CSMD2: variants seen among roughly 807,000 people sequenced by gnomAD.
CSMD2 encodes CUB and sushi domain-containing protein 2.
Under a neutral mutation model 398.5 loss-of-function variants are expected in CSMD2, and 130 were observed. That is an observed-to-expected ratio of 0.33 (90% CI 0.28 to 0.38). The LOEUF is 0.38. Ranked by LOEUF, CSMD2 falls within the 10% of genes least tolerant of loss-of-function variation. The pLI, the probability that CSMD2 is intolerant of heterozygous loss-of-function variation, is 1.00. For missense variants in CSMD2, 3,829 were observed against 4,764.9 expected, an observed-to-expected ratio of 0.80 and a Z score of 5.78; for synonymous variants, 1,828 against 1,908.5, an observed-to-expected ratio of 0.96 and a Z score of 1.10.
chr1:33,985,055 T>C (rs561815040), intron 3 of CSMD2, among the ~76,000 whole-genome samples: 26 of 152,256 alleles, frequency 1.7e-4, no homozygotes, highest in African/African-American at 5.5e-4. Context: ...ACGGTTCCCA[T>C]TGCTATCGTA....
At chr1:33,829,949 C>G (rs963961825) in intron 6 of CSMD2, among the ~76,000 whole-genome samples, 1 of 151,874 alleles carries the variant, frequency 6.6e-6, no homozygotes, top group African/African-American at 2.4e-5. Flanking sequence ...AGCAGCAAGG[C>G]GGGGGGAGGG....
chr1:33,752,330 C>T (rs989661), intron 13 of CSMD2, among the ~76,000 whole-genome samples: 44,063 of 152,030 alleles, frequency 0.29, 7,927 homozygotes, highest in African/African-American at 0.51. Flanking sequence ...AATTTTTGTT[C>T]TGGTAGTTCA....
chr1:33,782,099 G>C (rs1349808723), intron 12 of CSMD2, among the ~76,000 whole-genome samples: 1 of 152,108 alleles, frequency 6.6e-6, no homozygotes, highest in Non-Finnish European at 1.5e-5. Context: ...ATGTGCCTAA[G>C]GGATGAGTGG....
intron 2 of CSMD2, among the ~76,000 whole-genome samples, chr1:34,056,529 G>A (rs1303175075): frequency 6.6e-6 from 1 of 152,202 alleles, no homozygotes; most frequent in Non-Finnish European, 1.5e-5. Flanking sequence ...CCTTGGGTAA[G>A]TTCTTTAACA....
chr1:34,146,320 C>G (rs1185707885), intron 1 of CSMD2, among the ~76,000 whole-genome samples: 1 of 152,180 alleles, frequency 6.6e-6, no homozygotes, highest in African/African-American at 2.4e-5. Flanking sequence ...CAGCAGGGAG[C>G]AGGTGTTAGT....
chr1:33,810,681 G>A (rs950805650), intron 10 of CSMD2, 62 bp downstream of exon 10: 6 of 1,547,566 alleles, frequency 3.9e-6, no homozygotes, highest in Non-Finnish European at 5.3e-6. Flanking sequence ...AAACCTTGTA[G>A]GCCAACTGTC....
At chr1:33,916,684 A>C (rs527480066) in intron 5 of CSMD2, among the ~76,000 whole-genome samples, 1 of 152,266 alleles carries the variant, frequency 6.6e-6, no homozygotes, top group Admixed American at 6.5e-5. Flanking sequence ...CTGCACCAGG[A>C]AACTTGAGTT....
chr1:34,003,519 T>G (rs1306769371), intron 3 of CSMD2, among the ~76,000 whole-genome samples: 2 of 152,208 alleles, frequency 1.3e-5, no homozygotes, highest in Non-Finnish European at 2.9e-5. Flanking sequence ...TACCATTTAT[T>G]GATTGGACGC....
chr1:33,984,592 G>A (rs1164584691), intron 3 of CSMD2, among the ~76,000 whole-genome samples: 1 of 152,156 alleles, frequency 6.6e-6, no homozygotes, highest in Admixed American at 6.5e-5. Flanking sequence ...AGACCAGCCT[G>A]GGCAACATAG....
intron 19 of CSMD2, 51 bp downstream of exon 19, chr1:33,724,146 G>T: frequency 7.5e-7 from 1 of 1,328,652 alleles, no homozygotes; most frequent in Non-Finnish European, 1.1e-6. Context: ...GAGGAACTTG[G>T]GTCCCTGACC....
chr1:33,957,845 G>A (rs1368082238), intron 3 of CSMD2, among the ~76,000 whole-genome samples: 1 of 152,116 alleles, frequency 6.6e-6, no homozygotes, highest in African/African-American at 2.4e-5. Flanking sequence ...ACAGAACCCT[G>A]ATCCTGCCAA....
chr1:34,126,486 G>A (rs1314093246), intron 1 of CSMD2, among the ~76,000 whole-genome samples: 1 of 152,178 alleles, frequency 6.6e-6, no homozygotes, highest in African/African-American at 2.4e-5. Context: ...GCATTTCATG[G>A]GGGGCCCAGC....
upstream of CSMD2, chr1:34,165,261 C>G: frequency 3.4e-6 from 4 of 1,184,484 alleles, no homozygotes; most frequent in Non-Finnish European, 4.2e-6. Flanking sequence ...CGGGGAGAGG[C>G]GCGCTGCGCT....
At chr1:33,937,580 A>C (rs1644519181) in intron 3 of CSMD2, among the ~76,000 whole-genome samples, 1 of 152,188 alleles carries the variant, frequency 6.6e-6, no homozygotes. Flanking sequence ...TGATGATCTC[A>C]GAACCCTCTG....
At chr1:33,742,578 C>CTCG (rs1553190840) in intron 14 of CSMD2, among the ~76,000 whole-genome samples, 1 of 57,576 alleles carries the variant, frequency 1.7e-5, no homozygotes, top group African/African-American at 6.2e-5. Flanking sequence ...CAAGCTTCTG[C>CTCG]CCCCCCCCCC....
rs749396007 is a variant in CSMD2 at position 34,089,190 on chromosome 1, T to C, written c.191A>G (p.Gln64Arg). The C allele has an allele frequency of 6.2e-7, 1 of 1,614,006 alleles. No individual in the cohort carries two copies. The highest frequency in any genetic ancestry group is 8.5e-7 in the Non-Finnish European group (1 of 1,179,924). ...ACCGTGCAGTTGGAACGTGCAGTTCTGGCCTGGGAAAGAGAAATGGAGCAG... is the reference window on the plus strand; with the variant it reads ...ACCGTGCAGTTGGAACGTGCAGTTCCGGCCTGGGAAAGAGAAATGGAGCAG... Reference protein sequence around the residue: ...GLLSVSAAAGQNCTFQLHGPN... With the variant: ...GLLSVSAAAGRNCTFQLHGPN... Residue 64 changes from glutamine (Q) to arginine (R), a missense_variant, in exon 2 of 71, where the codon CAG becomes CGG. Transcript: ENST00000373381.
intron 5 of CSMD2, among the ~76,000 whole-genome samples, chr1:33,853,809 T>C (rs1257558368): frequency 6.6e-6 from 1 of 152,204 alleles, no homozygotes; most frequent in Non-Finnish European, 1.5e-5. Flanking sequence ...TGTTTGTGAA[T>C]GAATGAATAA....
chr1:34,093,430 G>A (rs1220004461), intron 1 of CSMD2, among the ~76,000 whole-genome samples: 1 of 152,228 alleles, frequency 6.6e-6, no homozygotes, highest in Non-Finnish European at 1.5e-5. Context: ...CGAGCTGAGA[G>A]AAGAAGGCTT....
chr1:33,999,379 T>TA (rs1646826359), intron 3 of CSMD2, among the ~76,000 whole-genome samples: 1 of 152,118 alleles, frequency 6.6e-6, no homozygotes, highest in Non-Finnish European at 1.5e-5. Flanking sequence ...AGATACTTTT[T>TA]AAAAATTTTT....
Sources: allele counts gnomAD v4.1 joint callset (sites outside exome capture counted in the v4.1 genomes callset), GRCh38; gene constraint gnomAD v4.1.1; transcripts MANE v1.5; gene names NCBI Gene and HGNC (gene_info 2026-07-23, HGNC 2026-07-21).